The following SLC12A4 variants were observed in gnomAD, a reference collection of about 807,000 sequenced individuals.
The protein encoded by SLC12A4 is electroneutral potassium-chloride cotransporter 1.
In SLC12A4, 84 loss-of-function variants were observed where a neutral mutation model predicts 119.2. The observed-to-expected ratio is 0.70, with a 90% CI of 0.59 to 0.85. The LOEUF is 0.85. Ranked by LOEUF, SLC12A4 falls within the 40% of genes least tolerant of loss-of-function variation. The pLI, the probability that SLC12A4 is intolerant of heterozygous loss-of-function variation, is 0.00. For missense variants in SLC12A4, 1,298 were observed against 1,476.3 expected, an observed-to-expected ratio of 0.88 and a Z score of 1.98; for synonymous variants, 599 against 604.6, an observed-to-expected ratio of 0.99 and a Z score of 0.14.
chr16:67,957,597 A>T, intron 5 of SLC12A4, 145 bp downstream of exon 5: 1 of 824,266 alleles, frequency 1.2e-6, no homozygotes, highest in Non-Finnish European at 2.0e-6. Context: ...GAAAGCTCCT[A>T]CGTGGGCACT....
intron 18 of SLC12A4, 26 bp downstream of exon 18, chr16:67,946,412 C>G: frequency 6.2e-7 from 1 of 1,603,026 alleles, no homozygotes; most frequent in Non-Finnish European, 8.5e-7. Flanking sequence ...TCACCCCTGC[C>G]CACCAGGCCC....
At position 67,961,568 on chromosome 16, in the gene SLC12A4, A is replaced by C. The variant is rs369058249; in HGVS notation, c.342+7T>G. ...GTGTGGCCCCTCTGCCGCCCCAACC[A>C]GCTCACCTCGGCTGCCCTCCGGCGG... On this transcript the variant is annotated splice_region_variant and intron_variant, in intron 3 of 23. Transcript: ENST00000316341. 105 of 1,612,284 alleles carry C rather than the reference A, an allele frequency of 6.5e-5. No homozygotes were observed. The East Asian group carries it at 2.3e-3, about 36-fold the overall frequency.
At chr16:67,948,223 C>A (rs1240388337) in intron 13 of SLC12A4, 64 bp from the exon 14 acceptor site, 19 of 1,525,850 alleles carry the variant, frequency 1.2e-5, no homozygotes, top group Non-Finnish European at 1.7e-5. Context: ...TGATGTCAGG[C>A]TGGGCCTGGC....
Position 67,946,316 on chromosome 16 carries a change from G to T in SLC12A4, c.2462C>A (p.Ala821Asp). The change falls in exon 19 of 24, where the codon GCC becomes GAC. Residue 821 changes from alanine to aspartate, a missense_variant. Ala to Asp is a moderately radical substitution (Grantham distance 126, BLOSUM62 -2). Transcript: ENST00000316341. ...CTTGGGCACGAGCAGGGCCAGGTGG[G>T]CAGCCGTAGTGCAGCGCACGGTGTC... ...FIDTVRCTTA[A>D]HLALLVPKNI... 6.2e-7 allele frequency: 1 copy of T among 1,611,316 alleles called. No individual in the cohort carries two copies.
Position 67,954,749 on chromosome 16 carries a change from G to T in SLC12A4, c.569C>A (p.Ser190Tyr). Residue 190 changes from serine to tyrosine, a missense_variant, in exon 6 of 24, where the codon TCT becomes TAT. Transcript: ENST00000316341. The part of the protein sequence containing the change: ...VPAGGSYFMI[S>Y]RSLGPEFGGA... Reference sequence around the variant, plus strand: ...TCCAAATTCTGGCCCCAGTGAACGAGAGATCATGAAATAGGAGCCCCCAGC... The same window carrying T: ...TCCAAATTCTGGCCCCAGTGAACGATAGATCATGAAATAGGAGCCCCCAGC... The T allele has an allele frequency of 1.2e-6, 2 of 1,614,170 alleles. No individual in the cohort carries two copies. The highest frequency in any genetic ancestry group is 1.7e-6 in the Non-Finnish European group (2 of 1,180,024).
Position 67,944,789 on chromosome 16 carries a change from T to G in SLC12A4, c.*51A>C. On this transcript the variant is annotated 3_prime_UTR_variant, in exon 24 of 24. Transcript: ENST00000316341. This position sits in a 1 kb window ranked among gnomAD's most constrained non-coding sequence, Gnocchi z 6.6. ...GAGGCTGTTACCCCAGACCACAGCTTGTTATGTCCTGGCCAAGACCTCGAC... is the reference window on the plus strand; with the variant it reads ...GAGGCTGTTACCCCAGACCACAGCTGGTTATGTCCTGGCCAAGACCTCGAC... 1 of 1,597,606 alleles carries G rather than the reference T, an allele frequency of 6.3e-7. No homozygotes were observed. Among genetic ancestry groups the G allele is most frequent in the Non-Finnish European group, 8.5e-7 (1 of 1,172,952 alleles).
In SLC12A4 at chr16:67,968,565, G is replaced by T. The variant is rs1246868988; in HGVS notation, c.-12C>A. On this transcript the variant is annotated 5_prime_UTR_variant, in exon 1 of 24. Transcript: ENST00000316341. The stretch of plus-strand genomic sequence containing the variant: ...GTGAAGTGAGGCATCGTGCGGGCTC[G>T]GCCCCGCCGCACCCGCCGTCCCAGC... 1.3e-6 allele frequency: 2 copies of T among 1,486,478 alleles called. No homozygotes were observed. Among genetic ancestry groups the T allele is most frequent in the Non-Finnish European group, 1.8e-6 (2 of 1,121,692 alleles). 92.1% of individuals were successfully genotyped at this position (1,486,478 alleles called of 1,614,324 possible). A position where few individuals can be genotyped will look rare whatever the true frequency, so the allele number is the denominator to read the frequency against.
Position 67,951,629 on chromosome 16 carries a change from T to A in SLC12A4, c.1132+194A>T. On this transcript the variant is annotated intron_variant, in intron 8 of 23. Coordinates refer to ENST00000316341, the MANE Select transcript of SLC12A4 (RefSeq NM_005072.5). This position sits in a 1 kb window ranked among gnomAD's most constrained non-coding sequence, Gnocchi z 5.2. ...TGGGGAAGACAGGCTGCTGCAGGCC[T>A]TGGACGCTGGCCAGACAGGCTCCAC... is the stretch of plus-strand genomic sequence containing the variant. The A allele has an allele frequency of 1.6e-6, 1 of 625,068 alleles. No homozygotes were observed. The highest frequency in any genetic ancestry group is 2.8e-6 in the Non-Finnish European group (1 of 359,158). The allele number at this position is 625,068 out of a possible 1,614,324, so 38.7% of individuals were successfully genotyped here.
rs369298010 is a variant in SLC12A4, at chr16:67,965,896, G to A, written c.116-2337C>T. Among the ~76,000 whole-genome samples, 90 of 152,318 alleles carry A rather than the reference G, an allele frequency of 5.9e-4. 1 individual carries two copies. The highest frequency in any genetic ancestry group is 2.0e-3 in the African/African-American group (85 of 41,570). On this transcript the variant is annotated intron_variant, in intron 1 of 23. Transcript: ENST00000316341. ...AGAGGCAAGGTCACCCAGGGAGAAGGCCACATCTGGGTCCCAGGGTCCATC... is the reference window on the plus strand; with the variant it reads ...AGAGGCAAGGTCACCCAGGGAGAAGACCACATCTGGGTCCCAGGGTCCATC...
chr16:67,957,979 G>A lies in SLC12A4; in HGVS notation c.408C>T (p.Ile136=), dbSNP rs1453952612. The change falls in exon 4 of 24, where the codon ATC becomes ATT. Residue 136 remains isoleucine (I), a synonymous_variant. Coordinates refer to ENST00000316341, the MANE Select transcript of SLC12A4 (RefSeq NM_005072.5). ...CCATCCAGGTCAGCCGCAGGAAGAG[G>A]ATAACCCCAAAGATATTCTGCAGGC... The part of the protein sequence containing the change: ...LPCLQNIFGV[I]LFLRLTWMVG... 3.1e-6 allele frequency: 5 copies of A among 1,614,106 alleles called. No homozygotes were observed. The East Asian group carries it at 8.9e-5, about 29-fold the overall frequency.
At position 67,951,325 on chromosome 16, in the gene SLC12A4, C is replaced by T. The variant is rs753579351; in HGVS notation, c.1133-21G>A. The T allele has an allele frequency of 1.2e-6, 2 of 1,604,522 alleles. No homozygotes were observed. Among genetic ancestry groups the T allele is most frequent in the Non-Finnish European group, 1.7e-6 (2 of 1,174,012 alleles). Reference sequence around the variant, plus strand: ...GTTTTCTGCAGGGGTAGCTGTGTCACCACCACAGCTGCCCCCCACTACCCC... The same window carrying T: ...GTTTTCTGCAGGGGTAGCTGTGTCATCACCACAGCTGCCCCCCACTACCCC... On this transcript the variant is annotated intron_variant, in intron 8 of 23. Coordinates refer to ENST00000316341, the MANE Select transcript of SLC12A4 (RefSeq NM_005072.5). The surrounding 1 kb of genome is among the most constrained non-coding windows in gnomAD (Gnocchi z 5.2).
intron 5 of SLC12A4, among the ~76,000 whole-genome samples, chr16:67,955,679 G>A (rs1000956569): frequency 3.3e-5 from 5 of 152,094 alleles, no homozygotes; most frequent in African/African-American, 9.7e-5. Flanking sequence ...TCAGGAGTTC[G>A]TGACCAGCCT....
At chr16:67,947,928 G>T in intron 14 of SLC12A4, 133 bp downstream of exon 14, 1 of 1,468,582 alleles carries the variant, frequency 6.8e-7, no homozygotes, top group Non-Finnish European at 9.5e-7. Flanking sequence ...TAAGACCTAG[G>T]TCCAGTCCCC....
In SLC12A4 at chr16:67,948,102, C is replaced by T. The variant is rs144252717; in HGVS notation, c.1806G>A (p.Leu602=). 1.5e-5 allele frequency: 25 copies of T among 1,613,158 alleles called. No homozygotes were observed. The highest frequency in any genetic ancestry group is 6.7e-5 in the African/African-American group (5 of 74,950). Residue 602 remains leucine, a synonymous_variant, in exon 14 of 24, where the codon CTG becomes CTA. Coordinates refer to ENST00000316341, the MANE Select transcript of SLC12A4 (RefSeq NM_005072.5). The part of the protein sequence containing the change: ...VNLACAVQTL[L]RTPNWRPRFK... ...ACCGGGGCCGCCAGTTGGGGGTCCTCAGGAGTGTCTGCACCGCACAGGCGA... is the reference window on the plus strand; with the variant it reads ...ACCGGGGCCGCCAGTTGGGGGTCCTTAGGAGTGTCTGCACCGCACAGGCGA...
intron 6 of SLC12A4, among the ~76,000 whole-genome samples, chr16:67,952,662 G>A (rs1002066452): frequency 3.3e-5 from 5 of 150,948 alleles, no homozygotes; most frequent in Admixed American, 6.6e-5. Flanking sequence ...GTGGTGGCAC[G>A]TGCCTGTAAT....
chr16:67,954,612 C>T, intron 6 of SLC12A4, 31 bp downstream of exon 6: 3 of 1,613,496 alleles, frequency 1.9e-6, no homozygotes, highest in Non-Finnish European at 2.5e-6. Flanking sequence ...TTGGACATGG[C>T]CAGAGTTGGC....
At position 67,950,643 on chromosome 16, in the gene SLC12A4, A is replaced by G. The variant is rs189512607; in HGVS notation, c.1454+11T>C. The G allele has an allele frequency of 7.1e-3, 11,424 of 1,611,898 alleles. 55 individuals carry two copies. The highest frequency in any genetic ancestry group is 0.013 in the Admixed American group (786 of 59,754). On this transcript the variant is annotated intron_variant, in intron 11 of 23. Coordinates refer to ENST00000316341, the MANE Select transcript of SLC12A4 (RefSeq NM_005072.5). This position sits in a 1 kb window ranked among gnomAD's most constrained non-coding sequence, Gnocchi z 4.3. ...CAGCCGCTGCTAAAGAGGGGGGCCC[A>G]GCTCACTCACTTGTCCCGGAGAACC...
At chr16:67,953,118 CG>C (rs2030035349) in intron 6 of SLC12A4, among the ~76,000 whole-genome samples, 1 of 151,428 alleles carries the variant, frequency 6.6e-6, no homozygotes, top group South Asian at 2.1e-4. Context: ...ATGAATAGGC[CG>C]GGCGCAATGG....
rs146220888 is a variant in SLC12A4, at chr16:67,958,166, G to A, written c.343-122C>T. On this transcript the variant is annotated intron_variant, in intron 3 of 23. Transcript: ENST00000316341. ...GGCCCCAGGGAACACAGAGAGTAGG[G>A]GTGACAGCTAGGATGTCTCTATTGA... 6.1e-5 allele frequency: 58 copies of A among 947,374 alleles called. No individual in the cohort carries two copies. The African/African-American group carries it at 9.4e-4, about 15-fold the overall frequency. 58.7% of individuals were successfully genotyped at this position (947,374 alleles called of 1,614,324 possible).
Sources: allele counts gnomAD v4.1 joint callset (sites outside exome capture counted in the v4.1 genomes callset), GRCh38; gene constraint gnomAD v4.1.1; non-coding constraint Gnocchi (gnomAD v3.1); transcripts MANE v1.5; gene names NCBI Gene and HGNC (gene_info 2026-07-23, HGNC 2026-07-21).